Variants in CCDC40 observed in about 807,000 individuals in gnomAD.
CCDC40 encodes the protein coiled-coil domain 40 molecular ruler complex subunit.
CCDC40 carries 104 observed loss-of-function variants against 124.5 expected under a neutral mutation model. The ratio of observed to expected loss-of-function variants is 0.84; its 90% confidence interval spans 0.71 to 0.98. The LOEUF is 0.98. Ranked by LOEUF, CCDC40 falls within the 50% of genes least tolerant of loss-of-function variation. The pLI is 0.00. For missense variants in CCDC40, 1,463 were observed against 1,503.9 expected, an observed-to-expected ratio of 0.97 and a Z score of 0.45; for synonymous variants, 580 against 602.9, an observed-to-expected ratio of 0.96 and a Z score of 0.56.
chr17:80,048,648 A>T lies in CCDC40; in HGVS notation c.742A>T (p.Ile248Phe). The T allele has an allele frequency of 6.2e-7, 1 of 1,614,030 alleles. No homozygotes were observed. Residue 248 changes from isoleucine (I) to phenylalanine (F), a missense_variant, in exon 5 of 20, where the codon ATC becomes TTC. By Grantham distance (21) the Ile-to-Phe change is conservative (BLOSUM62 0). Coordinates refer to ENST00000397545, the MANE Select transcript of CCDC40 (RefSeq NM_017950.4). Reference protein sequence around the residue: ...EGDLPVFQDQIQQPSTEEGAM... With the variant: ...EGDLPVFQDQFQQPSTEEGAM... ...AGACCTGCCAGTGTTCCAGGACCAGATCCAGCAGCCCAGCACCGAGGAGGG... is the reference window on the plus strand; with the variant it reads ...AGACCTGCCAGTGTTCCAGGACCAGTTCCAGCAGCCCAGCACCGAGGAGGG...
At chr17:80,043,088 A>G (rs1402309417) in intron 3 of CCDC40, among the ~76,000 whole-genome samples, 1 of 152,072 alleles carries the variant, frequency 6.6e-6, no homozygotes, top group Non-Finnish European at 1.5e-5. Flanking sequence ...ATATTCTTAC[A>G]TCTGCATAGA....
chr17:80,096,468 A>G (rs1378525394), intron 18 of CCDC40, among the ~76,000 whole-genome samples: 3 of 142,994 alleles, frequency 2.1e-5, no homozygotes, highest in African/African-American at 7.3e-5. Context: ...TTTCCACTAC[A>G]TTGGCTACTC....
chr17:80,085,751 C>CGTCT (rs1269810217), intron 13 of CCDC40, among the ~76,000 whole-genome samples: 6 of 150,408 alleles, frequency 4.0e-5, no homozygotes, highest in African/African-American at 1.5e-4. Flanking sequence ...GCTCACTGCA[C>CGTCT]ATCTGCCTCC....
intron 12 of CCDC40, 120 bp downstream of exon 12, chr17:80,082,178 C>T (rs530835502): frequency 2.8e-6 from 2 of 702,398 alleles, no homozygotes; most frequent in East Asian, 5.8e-5. Context: ...CTCCTGTGCT[C>T]ACTCCTTTCC....
intron 18 of CCDC40, among the ~76,000 whole-genome samples, chr17:80,095,820 G>A (rs895077163): frequency 6.6e-6 from 1 of 152,262 alleles, no homozygotes; most frequent in Admixed American, 6.5e-5. Context: ...CCTGCATATC[G>A]GAGGTGGCAT....
At chr17:80,065,000 C>CCCCTCCTCCTCT (rs1274952846) in intron 9 of CCDC40, among the ~76,000 whole-genome samples, 1 of 151,258 alleles carries the variant, frequency 6.6e-6, no homozygotes, top group East Asian at 2.0e-4. Context: ...TGGCCAGGAT[C>CCCCTCCTCCTCT]CCCTCCTCCT....
In CCDC40 at chr17:80,084,777, C is replaced by T. The variant is rs762496813; in HGVS notation, c.2024C>T (p.Ala675Val). The T allele has an allele frequency of 6.2e-7, 1 of 1,614,020 alleles. No individual in the cohort carries two copies. The highest frequency in any genetic ancestry group is 8.5e-7 in the Non-Finnish European group (1 of 1,179,952). ...CTTTCCAAAATCAACGGTGACATTGCCCAGACCACCCTGGACATCACACAC... is the reference window on the plus strand; with the variant it reads ...CTTTCCAAAATCAACGGTGACATTGTCCAGACCACCCTGGACATCACACAC... ...THLSKINGDIAQTTLDITHTS... is the reference protein window; with the variant it reads ...THLSKINGDIVQTTLDITHTS... The change falls in exon 13 of 20, where the codon GCC becomes GTC. Residue 675 changes from alanine to valine, a missense_variant. Ala to Val is a moderately conservative substitution (Grantham distance 64, BLOSUM62 0). Coordinates refer to ENST00000397545, the MANE Select transcript of CCDC40 (RefSeq NM_017950.4).
rs9905540 is a variant in CCDC40 at position 80,083,291 on chromosome 17, G to T, written c.1989+1233G>T. Among the ~76,000 whole-genome samples the T allele has an allele frequency of 1.7e-3, 263 of 151,864 alleles. 6 individuals are homozygous for T. The East Asian group carries it at 0.047, about 27-fold the overall frequency. On this transcript the variant is annotated intron_variant, in intron 12 of 19. Transcript: ENST00000397545. ...TTGGCAGAGGAGGAGGCTGCGAGCT[G>T]ACATTGCCACACAACTCCAGATGCC...
In CCDC40 at chr17:80,039,909, T is replaced by G; in HGVS notation, c.191T>G (p.Ile64Ser). Residue 64 changes from isoleucine to serine, a missense_variant, in exon 3 of 20, where the codon ATT (isoleucine) becomes AGT (serine). By Grantham distance (142) the Ile-to-Ser change is moderately radical (BLOSUM62 -2). Transcript: ENST00000397545. ...GTCACAACCCAAGCGGAAGCTGCAA[T>G]TGAAGAGGGGGAGGTGGAGACAGAA... is the stretch of plus-strand genomic sequence containing the variant. ...EEVTTQAEAA[I>S]EEGEVETEGE... 2 of 1,612,984 alleles carry G rather than the reference T, an allele frequency of 1.2e-6. No individual in the cohort carries two copies. The highest frequency in any genetic ancestry group is 4.5e-5 in the East Asian group (2 of 44,834).
At position 80,040,020 on chromosome 17, in the gene CCDC40, C is replaced by G. The variant is rs1371459239; in HGVS notation, c.302C>G (p.Ser101Ter). Residue 101 changes from serine (S) to a stop codon, truncating the protein, a stop_gained, in exon 3 of 20, where the codon TCA (serine) becomes TGA (stop). Transcript: ENST00000397545. LOFTEE classifies it high-confidence loss of function. Reference sequence around the variant, plus strand: ...GAGGAATATTACTATACAGAAACTTCATCCCCGGAAGGGCAAATCAGTGCT... The same window carrying G: ...GAGGAATATTACTATACAGAAACTTGATCCCCGGAAGGGCAAATCAGTGCT... ...SEEEYYYTET[S>*]SPEGQISAAD... is the part of the protein sequence containing the mutation. 2 of 1,614,156 alleles carry G rather than the reference C, an allele frequency of 1.2e-6. No individual in the cohort carries two copies. Among genetic ancestry groups the G allele is most frequent in the Non-Finnish European group, 1.7e-6 (2 of 1,179,992 alleles).
intron 10 of CCDC40, among the ~76,000 whole-genome samples, chr17:80,077,203 G>T (rs911248932): frequency 6.6e-6 from 1 of 152,126 alleles, no homozygotes; most frequent in African/African-American, 2.4e-5. Context: ...GTATCTCCAA[G>T]GTTCCGGCTC....
chr17:80,099,290 C>G (rs1269823536), intron 19 of CCDC40, among the ~76,000 whole-genome samples: 1 of 143,202 alleles, frequency 7.0e-6, no homozygotes, highest in African/African-American at 2.6e-5. Context: ...GACTCCATCT[C>G]AAAAAAAAAA....
chr17:80,083,200 C>T (rs2038499627), intron 12 of CCDC40, among the ~76,000 whole-genome samples: 1 of 151,390 alleles, frequency 6.6e-6, no homozygotes, highest in Non-Finnish European at 1.5e-5. Context: ...GAGCCATAGC[C>T]CCTGCAGGGC....
At chr17:80,083,507 T>C (rs1215609626) in intron 12 of CCDC40, among the ~76,000 whole-genome samples, 1 of 152,142 alleles carries the variant, frequency 6.6e-6, no homozygotes, top group Non-Finnish European at 1.5e-5. Context: ...AGGCCTTGTG[T>C]GGCAGGAGCC....
intron 18 of CCDC40, among the ~76,000 whole-genome samples, chr17:80,095,774 T>G (rs1383600753): frequency 1.3e-5 from 2 of 152,242 alleles, no homozygotes; most frequent in African/African-American, 4.8e-5. Flanking sequence ...CGGACAGAGC[T>G]GCTGACACCC....
At chr17:80,097,511 ACGGCCTCTCCTGATCCC>A (rs1308752859) in intron 19 of CCDC40, 108 bp downstream of exon 19, 21 of 1,194,470 alleles carry the variant, frequency 1.8e-5, no homozygotes, top group East Asian at 1.0e-4. Flanking sequence ...TGATCAGGTC[ACGGCCTCTCCTGATCCC>A]AGGCCAGTAA....
intron 2 of CCDC40, 52 bp downstream of exon 2, chr17:80,038,238 A>G (rs1253584519): frequency 8.0e-7 from 1 of 1,242,390 alleles, no homozygotes; most frequent in Admixed American, 1.7e-5. Flanking sequence ...TAGGAATTAA[A>G]GAGAATCAGA....
chr17:80,041,558 C>T (rs951380003), intron 3 of CCDC40, among the ~76,000 whole-genome samples: 16 of 151,982 alleles, frequency 1.1e-4, no homozygotes, highest in African/African-American at 3.4e-4. Flanking sequence ...CCAAGGAATG[C>T]TCAGGCCTCA....
intron 1 of CCDC40, among the ~76,000 whole-genome samples, chr17:80,037,147 C>T (rs73437682): frequency 0.29 from 43,754 of 152,032 alleles, 7,265 homozygotes; most frequent in African/African-American, 0.46. Flanking sequence ...GCGCCTCCCT[C>T]CTGCAAGGAC....
Sources: allele counts gnomAD v4.1 joint callset (sites outside exome capture counted in the v4.1 genomes callset), GRCh38; gene constraint gnomAD v4.1.1; transcripts MANE v1.5; gene names NCBI Gene and HGNC (gene_info 2026-07-23, HGNC 2026-07-21).